The following ZNF536 variants were observed in gnomAD, a reference collection of about 807,000 sequenced individuals.
ZNF536 encodes the protein zinc finger protein 536.
In ZNF536, 13 loss-of-function variants were observed where a neutral mutation model predicts 84.5. The ratio of observed to expected loss-of-function variants is 0.15; its 90% confidence interval spans 0.10 to 0.24. The LOEUF is 0.24. ZNF536 is among the 10% of genes least tolerant of loss of function. ZNF536 has a pLI of 1.00. For missense variants in ZNF536, 1,536 were observed against 1,747.5 expected (o/e 0.88, Z 2.16); for synonymous variants, 811 against 742.5 (o/e 1.09, Z -1.50).
At chr19:30,587,866 A>C (rs950189525) in intron 1 of ZNF536, among the ~76,000 whole-genome samples, 1 of 152,272 alleles carries the variant, frequency 6.6e-6, no homozygotes, top group Non-Finnish European at 1.5e-5. Flanking sequence ...AGCCTGTAGC[A>C]GTGCTCAGTC....
chr19:30,283,749 G>C (rs201130290), intron 1 of ZNF536, among the ~76,000 whole-genome samples: 1 of 152,122 alleles, frequency 6.6e-6, no homozygotes, highest in African/African-American at 2.4e-5. Flanking sequence ...GAGGGAGAGA[G>C]AGAGAGAGAG....
At chr19:30,375,125 G>A (rs1441951954) in intron 1 of ZNF536, among the ~76,000 whole-genome samples, 2 of 151,162 alleles carry the variant, frequency 1.3e-5, no homozygotes, top group African/African-American at 4.8e-5. Flanking sequence ...GCCCCGGGGT[G>A]TTTTCTGGCG....
At chr19:30,328,083 A>G (rs546093824) in intron 2 of ZNF536, among the ~76,000 whole-genome samples, 67 of 152,190 alleles carry the variant, frequency 4.4e-4, no homozygotes, top group African/African-American at 1.6e-3. Context: ...GAGGGCAGAA[A>G]CCCTCGATTC....
intron 2 of ZNF536, among the ~76,000 whole-genome samples, chr19:30,450,044 A>C (rs902041337): frequency 6.9e-6 from 1 of 145,480 alleles, no homozygotes; most frequent in African/African-American, 2.5e-5. Context: ...AGAAAAAGAA[A>C]AAAAATTTGA....
chr19:30,416,390 A>T (rs2050736019), intron 1 of ZNF536, among the ~76,000 whole-genome samples: 1 of 150,382 alleles, frequency 6.6e-6, no homozygotes, highest in African/African-American at 2.5e-5. Context: ...TGTTTTTGTG[A>T]AAAGAGGAGT....
At chr19:30,258,359 A>G (rs2025021023) in intron 1 of ZNF536, among the ~76,000 whole-genome samples, 1 of 152,222 alleles carries the variant, frequency 6.6e-6, no homozygotes, top group Admixed American at 6.5e-5. Context: ...GGTACAGCCC[A>G]GCATCTTGAG....
At chr19:30,686,340 A>C (rs1416205290) in intron 1 of ZNF536, among the ~76,000 whole-genome samples, 1 of 152,166 alleles carries the variant, frequency 6.6e-6, no homozygotes, top group African/African-American at 2.4e-5. Context: ...GAAAGAAAAA[A>C]AATGACTCCC....
intron 1 of ZNF536, among the ~76,000 whole-genome samples, chr19:30,596,417 C>A (rs1033210705): frequency 1.3e-5 from 2 of 152,188 alleles, no homozygotes; most frequent in Non-Finnish European, 2.9e-5. Flanking sequence ...TACTTATATT[C>A]TTTGTTGACA....
intron 1 of ZNF536, among the ~76,000 whole-genome samples, chr19:30,574,250 C>T (rs1195641912): frequency 6.6e-6 from 1 of 152,218 alleles, no homozygotes; most frequent in Non-Finnish European, 1.5e-5. Flanking sequence ...TTGTGATGTT[C>T]TCCATGCATG....
chr19:30,361,491 C>T (rs554233727), intron 3 of ZNF536, among the ~76,000 whole-genome samples: 99 of 151,748 alleles, frequency 6.5e-4, no homozygotes, highest in Non-Finnish European at 1.5e-4. Context: ...TAATGAGGGT[C>T]CAATTGTTAG....
intron 1 of ZNF536, among the ~76,000 whole-genome samples, chr19:30,683,535 A>G (rs1215491702): frequency 6.6e-6 from 1 of 151,474 alleles, no homozygotes; most frequent in East Asian, 1.9e-4. Flanking sequence ...TGGGACTAGG[A>G]GGATAACCTG....
chr19:30,678,527 T>C (rs1044027645), intron 1 of ZNF536, among the ~76,000 whole-genome samples: 1 of 152,164 alleles, frequency 6.6e-6, no homozygotes, highest in Non-Finnish European at 1.5e-5. Context: ...CTGTCCCAGC[T>C]CAGTTTTCCC....
intron 1 of ZNF536, among the ~76,000 whole-genome samples, chr19:30,586,264 C>A (rs1400348570): frequency 1.3e-5 from 2 of 152,234 alleles, no homozygotes; most frequent in Non-Finnish European, 2.9e-5. Context: ...TTTTGATGGA[C>A]AACTAGGTTG....
chr19:30,504,201 C>CTTCCCTCCCTTCCTTCCCTTCTTCT (rs1269500359), intron 2 of ZNF536, among the ~76,000 whole-genome samples: 1 of 151,332 alleles, frequency 6.6e-6, no homozygotes, highest in Non-Finnish European at 1.5e-5. Context: ...AGATACTATT[C>CTTCCCTCCCTTCCTTCCCTTCTTCT]TTCCCTCCCT....
intron 1 of ZNF536, among the ~76,000 whole-genome samples, chr19:30,645,310 C>T (rs1407278102): frequency 6.6e-6 from 1 of 152,142 alleles, no homozygotes; most frequent in African/African-American, 2.4e-5. Context: ...TTCTCCCATT[C>T]TGTAGGTTGC....
At chr19:30,460,882 C>T (rs1461211952) in intron 2 of ZNF536, among the ~76,000 whole-genome samples, 1 of 152,166 alleles carries the variant, frequency 6.6e-6, no homozygotes, top group Non-Finnish European at 1.5e-5. Context: ...TCCTCTCAAG[C>T]ACAAGGGAAC....
chr19:30,324,404 G>T (rs1168471323), intron 2 of ZNF536, among the ~76,000 whole-genome samples: 5 of 152,020 alleles, frequency 3.3e-5, no homozygotes, highest in African/African-American at 1.2e-4. Context: ...TTTATTTCAG[G>T]TAGGATCTCG....
intron 1 of ZNF536, among the ~76,000 whole-genome samples, chr19:30,705,612 A>T (rs2052194043): frequency 6.6e-6 from 1 of 152,190 alleles, no homozygotes; most frequent in South Asian, 2.1e-4. Context: ...CTCAAATATG[A>T]GGATAAACAT....
rs746307749 is a variant in ZNF536, at chr19:30,445,608, G to A, written c.2046G>A (p.Ser682=). The change falls in exon 2 of 5, where the codon TCG becomes TCA. Residue 682 remains serine, a synonymous_variant. Coordinates refer to ENST00000355537, the MANE Select transcript of ZNF536 (RefSeq NM_014717.3). This position sits in a 1 kb window ranked among gnomAD's most constrained non-coding sequence, Gnocchi z 4.5. ...CGGGCAGTGACCAGGAGTCCCAGTC[G>A]GTGAGCCGCTCCACCACGCCGGGCT... ...RGSGSDQESQ[S]VSRSTTPGSS... 8.1e-6 allele frequency: 13 copies of A among 1,612,832 alleles called. No homozygotes were observed. In the South Asian group the frequency reaches 1.2e-4, roughly 15 times the overall value.
Sources: gnomAD v4.1 joint callset for allele counts (sites outside exome capture counted in the v4.1 genomes callset) on GRCh38, gnomAD v4.1.1 for gene constraint, Gnocchi (gnomAD v3.1) non-coding constraint, MANE v1.5 for transcripts, NCBI Gene and HGNC (gene_info 2026-07-23, HGNC 2026-07-21) for gene names.